RPS6KC1: variants seen among roughly 807,000 people sequenced by gnomAD.
The protein encoded by RPS6KC1 is ribosomal protein S6 kinase C1.
RPS6KC1 carries 54 observed loss-of-function variants against 103.8 expected under a neutral mutation model. The ratio of observed to expected loss-of-function variants is 0.52; its 90% CI spans 0.42 to 0.65. The LOEUF is 0.65. Among genes scored for constraint, RPS6KC1 ranks in the 30% least tolerant of loss-of-function variants. The pLI is 0.00. For missense variants in RPS6KC1, 1,151 were observed against 1,253.8 expected (o/e 0.92, Z 1.24); for synonymous variants, 439 against 438.7 (o/e 1.00, Z -0.01).
At chr1:213,780,226 T>C in the RPS6KC1 span, among the ~76,000 whole-genome samples, 1 of 152,188 alleles carries the variant, frequency 6.6e-6, no homozygotes, top group African/African-American at 2.4e-5. Context: ...CTCATGGAAT[T>C]GCCTGAGGCT....
At chr1:213,850,545 G>C in the RPS6KC1 span, among the ~76,000 whole-genome samples, 725 of 152,264 alleles carry the variant, frequency 4.8e-3, 7 homozygotes, top group African/African-American at 0.017. Flanking sequence ...TGCTCTTTCC[G>C]ATGAGCTACT....
chr1:213,356,529 G>A, the RPS6KC1 span, among the ~76,000 whole-genome samples: 1 of 152,172 alleles, frequency 6.6e-6, no homozygotes, highest in South Asian at 2.1e-4. Context: ...GATAGCAGGT[G>A]CCTGTAATCC....
At chr1:213,503,614 A>T in the RPS6KC1 span, among the ~76,000 whole-genome samples, 1 of 152,242 alleles carries the variant, frequency 6.6e-6, no homozygotes, top group Admixed American at 6.5e-5. Context: ...CTTATCACAC[A>T]TAAAGCCAAA....
At chr1:213,475,599 C>A in the RPS6KC1 span, among the ~76,000 whole-genome samples, 246 of 152,234 alleles carry the variant, frequency 1.6e-3, 1 homozygote, top group South Asian at 9.5e-3. Flanking sequence ...CCCCTCCCAC[C>A]CCACGTCCCT....
intron 2 of RPS6KC1, chr1:213,072,872 A>G: frequency 1.1e-6 from 1 of 913,544 alleles, no homozygotes; most frequent in African/African-American, 1.8e-5. Flanking sequence ...TTTTCCAGGG[A>G]GAATCCTGAA....
chr1:213,205,233 C>A (rs765683714), intron 8 of RPS6KC1: 2 of 984,344 alleles, frequency 2.0e-6, no homozygotes, highest in Non-Finnish European at 2.4e-6. Context: ...TCTACTGATT[C>A]ATTAGTACAC....
chr1:213,069,149 A>T (rs1040804452), intron 1 of RPS6KC1, among the ~76,000 whole-genome samples: 8 of 152,150 alleles, frequency 5.3e-5, no homozygotes, highest in Admixed American at 5.2e-4. Flanking sequence ...CAGTAGCCAC[A>T]CACATGTGGC....
chr1:213,070,723 T>A (rs1250939522), intron 1 of RPS6KC1, among the ~76,000 whole-genome samples: 1 of 152,200 alleles, frequency 6.6e-6, no homozygotes, highest in Non-Finnish European at 1.5e-5. Flanking sequence ...TCTTTACACA[T>A]CTATTTACAT....
the RPS6KC1 span, among the ~76,000 whole-genome samples, chr1:213,285,356 A>G: frequency 6.6e-6 from 1 of 151,982 alleles, no homozygotes; most frequent in Non-Finnish European, 1.5e-5. Context: ...GGGGGGTAGG[A>G]TTTAAGCATG....
the RPS6KC1 span, among the ~76,000 whole-genome samples, chr1:213,758,923 T>TTC: frequency 2.0e-5 from 3 of 149,330 alleles, no homozygotes; most frequent in Non-Finnish European, 3.0e-5. Flanking sequence ...AGAATATTTG[T>TTC]TCTATAAACT....
chr1:213,446,866 A>G, the RPS6KC1 span, among the ~76,000 whole-genome samples: 1 of 152,178 alleles, frequency 6.6e-6, no homozygotes, highest in Non-Finnish European at 1.5e-5. Context: ...CGGATACATC[A>G]CATCTAAGGG....
At chr1:213,070,801 G>A (rs1265734749) in intron 1 of RPS6KC1, among the ~76,000 whole-genome samples, 2 of 152,148 alleles carry the variant, frequency 1.3e-5, no homozygotes, top group East Asian at 3.9e-4. Context: ...GCCTAAGGGA[G>A]GTAACTTTAG....
At chr1:213,783,369 G>A in the RPS6KC1 span, among the ~76,000 whole-genome samples, 2 of 152,288 alleles carry the variant, frequency 1.3e-5, no homozygotes, top group South Asian at 2.1e-4. Flanking sequence ...AACGCAGCGC[G>A]GGAATCAGCC....
the RPS6KC1 span, among the ~76,000 whole-genome samples, chr1:213,586,841 C>G: frequency 2.0e-5 from 3 of 152,300 alleles, no homozygotes; most frequent in Admixed American, 1.3e-4. Flanking sequence ...AGCAGGGGTT[C>G]CCACACTGGC....
the RPS6KC1 span, among the ~76,000 whole-genome samples, chr1:213,765,390 G>C: frequency 6.6e-6 from 1 of 152,158 alleles, no homozygotes; most frequent in South Asian, 2.1e-4. Context: ...AACAGGTTGT[G>C]ACCTCTCCCA....
At chr1:213,409,645 C>T in the RPS6KC1 span, among the ~76,000 whole-genome samples, 2 of 152,294 alleles carry the variant, frequency 1.3e-5, no homozygotes, top group South Asian at 2.1e-4. Context: ...ACGTGCAAAG[C>T]AGAATGACAA....
At chr1:213,816,551 G>A in the RPS6KC1 span, among the ~76,000 whole-genome samples, 57 of 152,264 alleles carry the variant, frequency 3.7e-4, no homozygotes, top group African/African-American at 1.3e-3. Flanking sequence ...AGATGACACA[G>A]AGCAGCCGCT....
chr1:213,138,827 G>A (rs558503034), intron 6 of RPS6KC1, among the ~76,000 whole-genome samples: 30 of 152,204 alleles, frequency 2.0e-4, no homozygotes, highest in Non-Finnish European at 3.8e-4. Context: ...ATGTGTGCAT[G>A]TGTCTTTATG....
At chr1:213,564,936 G>T in the RPS6KC1 span, among the ~76,000 whole-genome samples, 2 of 152,242 alleles carry the variant, frequency 1.3e-5, no homozygotes, top group Non-Finnish European at 2.9e-5. Flanking sequence ...CTGTTTTATC[G>T]TGTTGCTGTT....
Sources: allele counts gnomAD v4.1 joint callset (sites outside exome capture counted in the v4.1 genomes callset), GRCh38; gene constraint gnomAD v4.1.1; transcripts MANE v1.5; gene names NCBI Gene and HGNC (gene_info 2026-07-23, HGNC 2026-07-21).